The following KLHL29 variants were observed in gnomAD, a reference collection of about 807,000 sequenced individuals.
KLHL29 encodes the protein kelch like family member 29, also known as kelch-like protein 29.
KLHL29 carries 21 observed loss-of-function variants against 80.4 expected under a neutral mutation model. The ratio of observed to expected loss-of-function variants is 0.26; its 90% CI spans 0.19 to 0.38. KLHL29 has a LOEUF of 0.38. Ranked by LOEUF, KLHL29 falls within the 10% of genes least tolerant of loss-of-function variation. KLHL29 has a pLI of 1.00. For missense variants in KLHL29, 867 were observed against 1,223.9 expected, an observed-to-expected ratio of 0.71 and a Z score of 4.35; for synonymous variants, 511 against 526.8, an observed-to-expected ratio of 0.97 and a Z score of 0.41.
chr2:23,504,329 C>G (rs1050822723), intron 2 of KLHL29, among the ~76,000 whole-genome samples: 5 of 152,184 alleles, frequency 3.3e-5, no homozygotes, highest in African/African-American at 1.2e-4. Flanking sequence ...GATCGCCCAC[C>G]AGCCTTAGCA....
chr2:23,500,801 A>G (rs1333047828), intron 2 of KLHL29, among the ~76,000 whole-genome samples: 4 of 152,208 alleles, frequency 2.6e-5, no homozygotes, highest in African/African-American at 9.6e-5. Context: ...ACAATTTATA[A>G]AAGAGAAATC....
chr2:23,699,789 G>A (rs138813765), intron 11 of KLHL29, among the ~76,000 whole-genome samples: 41 of 151,966 alleles, frequency 2.7e-4, no homozygotes, highest in Non-Finnish European at 5.0e-4. Flanking sequence ...ATCCTCTACC[G>A]GGTCCTTCAC....
At chr2:23,458,055 CT>C (rs1558345504) in intron 1 of KLHL29, among the ~76,000 whole-genome samples, 1 of 152,150 alleles carries the variant, frequency 6.6e-6, no homozygotes, top group Non-Finnish European at 1.5e-5. Flanking sequence ...AGGATGCCTG[CT>C]CCTGGGGAAA....
At chr2:23,646,973 G>T (rs1214878836) in intron 5 of KLHL29, among the ~76,000 whole-genome samples, 1 of 152,214 alleles carries the variant, frequency 6.6e-6, no homozygotes, top group African/African-American at 2.4e-5. Flanking sequence ...TCTGGCTATT[G>T]CCTCTGGTCC....
At chr2:23,642,888 G>A (rs963826712) in intron 5 of KLHL29, 38 bp downstream of exon 5, 50 of 1,549,468 alleles carry the variant, frequency 3.2e-5, no homozygotes, top group South Asian at 6.0e-5. Flanking sequence ...ACGGGCCTGC[G>A]TCTGCACCTC....
At chr2:23,523,621 T>C (rs1193867090) in intron 2 of KLHL29, among the ~76,000 whole-genome samples, 1 of 152,210 alleles carries the variant, frequency 6.6e-6, no homozygotes, top group Non-Finnish European at 1.5e-5. Context: ...TGGGTGGACA[T>C]GGCTTTTACC....
At chr2:23,464,467 G>C (rs763663196) in intron 1 of KLHL29, among the ~76,000 whole-genome samples, 1 of 152,174 alleles carries the variant, frequency 6.6e-6, no homozygotes, top group Admixed American at 6.5e-5. Context: ...GTCCCCAGTG[G>C]GTGAGATTGG....
chr2:23,618,784 G>T (rs576008502), intron 3 of KLHL29, among the ~76,000 whole-genome samples: 2 of 152,302 alleles, frequency 1.3e-5, no homozygotes, highest in East Asian at 3.9e-4. Context: ...ATTAAGGCAG[G>T]GGTTGAAATC....
chr2:23,526,837 T>G (rs921785098), intron 2 of KLHL29, among the ~76,000 whole-genome samples: 4 of 152,128 alleles, frequency 2.6e-5, no homozygotes, highest in African/African-American at 9.7e-5. Flanking sequence ...CAACAGAAAC[T>G]GATGAACGCT....
chr2:23,701,891 C>T, intron 11 of KLHL29, among the ~76,000 whole-genome samples: 1 of 147,550 alleles, frequency 6.8e-6, no homozygotes, highest in South Asian at 2.2e-4. Context: ...GCCTCTGCCT[C>T]CCAGGTTCAA....
At chr2:23,553,744 C>T (rs927051703) in intron 2 of KLHL29, among the ~76,000 whole-genome samples, 3 of 152,350 alleles carry the variant, frequency 2.0e-5, no homozygotes, top group East Asian at 3.9e-4. Context: ...CCATGTGCCC[C>T]GTGCTGGGAG....
At position 23,682,582 on chromosome 2, in the gene KLHL29, G is replaced by C. The variant is rs531790831; in HGVS notation, c.941-1817G>C. ...GAAGCTGGAGCTCCCAGGCAAGACT[G>C]TTGCGATCTGGCCCCGCCCACCGCC... On this transcript the variant is annotated intron_variant, in intron 5 of 13. Coordinates refer to ENST00000486442, the MANE Select transcript of KLHL29 (RefSeq NM_052920.2). The surrounding 1 kb of genome is among the most constrained non-coding windows in gnomAD (Gnocchi z 4.1). Among the ~76,000 whole-genome samples, 36 of 152,188 alleles carry C rather than the reference G, an allele frequency of 2.4e-4. No homozygotes were observed. The highest frequency in any genetic ancestry group is 8.2e-4 in the African/African-American group (34 of 41,530).
chr2:23,569,172 C>T (rs1423463358), intron 3 of KLHL29, among the ~76,000 whole-genome samples: 2 of 152,196 alleles, frequency 1.3e-5, no homozygotes, highest in East Asian at 1.9e-4. Context: ...AAAATCACCC[C>T]AAGGAGGCCA....
At chr2:23,510,773 AGGTGTAG>A (rs955279901) in intron 2 of KLHL29, among the ~76,000 whole-genome samples, 4 of 152,148 alleles carry the variant, frequency 2.6e-5, no homozygotes, top group African/African-American at 9.7e-5. Context: ...AAGGCTGGGC[AGGTGTAG>A]GGCTGAGAGA....
At chr2:23,581,423 T>C (rs567593273) in intron 3 of KLHL29, among the ~76,000 whole-genome samples, 20 of 152,332 alleles carry the variant, frequency 1.3e-4, no homozygotes, top group African/African-American at 4.6e-4. Flanking sequence ...TTCCCTAATG[T>C]CAATGACTCC....
chr2:23,408,118 T>C (rs1240159084), intron 1 of KLHL29, among the ~76,000 whole-genome samples: 1 of 151,960 alleles, frequency 6.6e-6, no homozygotes, highest in Non-Finnish European at 1.5e-5. Context: ...TATACCACAC[T>C]GTTTCAAATG....
chr2:23,554,578 T>C (rs1437075115), intron 2 of KLHL29, among the ~76,000 whole-genome samples: 1 of 152,136 alleles, frequency 6.6e-6, no homozygotes, highest in Non-Finnish European at 1.5e-5. Context: ...ACATGGTGCA[T>C]GTTAATATGT....
At chr2:23,657,346 C>A (rs1009696473) in intron 5 of KLHL29, among the ~76,000 whole-genome samples, 2 of 151,160 alleles carry the variant, frequency 1.3e-5, no homozygotes, top group Non-Finnish European at 3.0e-5. Context: ...TTTATTCTTG[C>A]CTCTTTTCAC....
Position 23,695,882 on chromosome 2 carries a change from T to A in KLHL29, c.1741+61T>A. ...AGTGTCTTGGGCTCAGTGGTTCCAG[T>A]GAGGTGCCAGGCACAGATGCCGACA... On this transcript the variant is annotated intron_variant, in intron 9 of 13. Transcript: ENST00000486442. This position sits in a 1 kb window ranked among gnomAD's most constrained non-coding sequence, Gnocchi z 7.6. 6.5e-7 allele frequency: 1 copy of A among 1,534,762 alleles called. No homozygotes were observed. The highest frequency in any genetic ancestry group is 8.8e-7 in the Non-Finnish European group (1 of 1,139,056).
Sources: gnomAD v4.1 joint callset for allele counts (sites outside exome capture counted in the v4.1 genomes callset) on GRCh38, gnomAD v4.1.1 for gene constraint, Gnocchi (gnomAD v3.1) non-coding constraint, MANE v1.5 for transcripts, NCBI Gene and HGNC (gene_info 2026-07-23, HGNC 2026-07-21) for gene names.